The following TMEM132E variants were observed in gnomAD, a reference collection of about 807,000 sequenced individuals.
TMEM132E encodes transmembrane protein 132E.
A neutral mutation model predicts 78.5 loss-of-function variants in TMEM132E; 49 were observed. That is an observed-to-expected ratio of 0.62 (90% CI 0.50 to 0.79). TMEM132E has a LOEUF of 0.79. Ranked by LOEUF, TMEM132E falls within the 30% of genes least tolerant of loss-of-function variation. The probability of loss-of-function intolerance (pLI) is 0.00; values close to 1 mark genes in which losing one functional copy is unlikely to be tolerated. For synonymous variants in TMEM132E, 715 were observed against 670.6 expected (o/e 1.07, Z -1.02); for missense variants, 1,403 against 1,470.9 (o/e 0.95, Z 0.75).
chr17:34,597,014 G>T (rs1042738919), intron 1 of TMEM132E, among the ~76,000 whole-genome samples: 3 of 152,012 alleles, frequency 2.0e-5, no homozygotes, highest in African/African-American at 4.8e-5. Flanking sequence ...AAGCTAGGAA[G>T]GGGGAGCTAT....
intron 2 of TMEM132E, among the ~76,000 whole-genome samples, chr17:34,627,466 T>TCGTGTGTG (rs1301258773): frequency 4.0e-5 from 1 of 24,986 alleles, no homozygotes; most frequent in African/African-American, 1.3e-4. Context: ...GCCAAAAGAA[T>TCGTGTGTG]CGTGTGTGTG....
intron 1 of TMEM132E, among the ~76,000 whole-genome samples, chr17:34,596,853 CAA>C (rs35038070): frequency 0.068 from 4,924 of 72,198 alleles, 275 homozygotes; most frequent in African/African-American, 0.23. Flanking sequence ...CTAAGTAGCT[CAA>C]AAAAAAAAAA....
rs781392643 is a variant in TMEM132E, at chr17:34,632,706, A to G, written c.1485A>G (p.Val495=). Reference sequence around the variant, plus strand: ...CAACTGTTCCTCCCTTCCCCCAGGTATCCAGCAGCTGTGACTACGTGTTTG... The same window carrying G: ...CAACTGTTCCTCCCTTCCCCCAGGTGTCCAGCAGCTGTGACTACGTGTTTG... ...CESDNEDIIK[V]SSSCDYVFVS... Residue 495 remains valine, a splice_region_variant and synonymous_variant, in exon 6 of 9, where the codon GTA becomes GTG. Coordinates refer to ENST00000631683, the MANE Select transcript of TMEM132E (RefSeq NM_001304438.2). 1.2e-6 allele frequency: 2 copies of G among 1,614,112 alleles called. No individual in the cohort carries two copies. Among genetic ancestry groups the G allele is most frequent in the African/African-American group, 1.3e-5 (1 of 75,034 alleles).
At chr17:34,615,944 T>C (rs1906767788) in intron 1 of TMEM132E, among the ~76,000 whole-genome samples, 1 of 152,118 alleles carries the variant, frequency 6.6e-6, no homozygotes, top group Non-Finnish European at 1.5e-5. Flanking sequence ...GGCATTTTGT[T>C]AGCAAAGCAA....
chr17:34,589,185 G>C (rs1456597832), intron 1 of TMEM132E, among the ~76,000 whole-genome samples: 2 of 152,232 alleles, frequency 1.3e-5, no homozygotes, highest in Non-Finnish European at 2.9e-5. Context: ...AGGTAAGAGA[G>C]AAACTAAGTG....
At chr17:34,634,671 A>T (rs1044881729) in intron 6 of TMEM132E, 128 bp from the exon 7 acceptor site, 2 of 1,147,910 alleles carry the variant, frequency 1.7e-6, no homozygotes, top group Non-Finnish European at 2.4e-6. Flanking sequence ...CATGAGCCAT[A>T]GAGGAAGCTT....
At position 34,638,813 on chromosome 17, in the gene TMEM132E, G is replaced by C. The variant is rs1335780343; in HGVS notation, c.*581G>C. The C allele has an allele frequency of 1.3e-5, 2 of 152,334 alleles. No individual in the cohort carries two copies. The highest frequency in any genetic ancestry group is 1.9e-4 in the East Asian group (1 of 5,168). 9.4% of individuals were successfully genotyped at this position (152,334 alleles called of 1,614,324 possible). A position where few individuals can be genotyped will look rare whatever the true frequency, so the allele number is the denominator to read the frequency against. ...TTGTAGCATCTGCTGGCATTCGGGT[G>C]CCTCCCAGGACCTGGGAGCTGACTC... On this transcript the variant is annotated 3_prime_UTR_variant, in exon 9 of 9. Transcript: ENST00000631683.
Position 34,612,123 on chromosome 17 carries a change from A to G in TMEM132E, c.68-14004A>G, listed in dbSNP as rs58234675. Among the ~76,000 whole-genome samples the G allele has an allele frequency of 7.1e-3, 1,074 of 152,208 alleles. 14 individuals carry two copies. The highest frequency in any genetic ancestry group is 0.024 in the African/African-American group (1,009 of 41,514). ...AGAGTTTGCCCTACTCTCAACGCAC[A>G]CACACCTGCTGCCTAGAGACCAGCT... On this transcript the variant is annotated intron_variant, in intron 1 of 8. Transcript: ENST00000631683.
At position 34,637,754 on chromosome 17, in the gene TMEM132E, AC is replaced by A; in HGVS notation, c.2749del (p.Arg917GlyfsTer187). 1 of 1,613,580 alleles carries A rather than the reference AC, an allele frequency of 6.2e-7. No individual in the cohort carries two copies. The highest frequency in any genetic ancestry group is 8.5e-7 in the Non-Finnish European group (1 of 1,179,966). ...AACTGCATCGTTTTTGTGCTGCGCT[AC>A]CGGCACAAGCGCATCCCGCCCGAGG... is the stretch of plus-strand genomic sequence containing the variant. Reference protein sequence around the residue: ...LINCIVFVLRYRHKRIPPEGQ... With the variant: ...LINCIVFVLRXRHKRIPPEGQ... On this transcript the variant is annotated frameshift_variant, in exon 9 of 9. Transcript: ENST00000631683. LOFTEE classifies it high-confidence loss of function.
chr17:34,613,181 A>ACACACACG (rs1225514810), intron 1 of TMEM132E, among the ~76,000 whole-genome samples: 3 of 101,984 alleles, frequency 2.9e-5, no homozygotes, highest in Non-Finnish European at 4.5e-5. Flanking sequence ...CTCTACACAC[A>ACACACACG]CACACACACA....
intron 1 of TMEM132E, among the ~76,000 whole-genome samples, chr17:34,582,140 C>A (rs2142045519): frequency 6.7e-6 from 1 of 149,722 alleles, no homozygotes; most frequent in Middle Eastern, 3.4e-3. Context: ...TCTTAACCAG[C>A]AAGGCGTGGC....
intron 1 of TMEM132E, among the ~76,000 whole-genome samples, chr17:34,605,852 C>T (rs774407427): frequency 9.9e-5 from 15 of 152,260 alleles, no homozygotes; most frequent in East Asian, 3.9e-4. Flanking sequence ...CTACTTGAGA[C>T]GTATTCTTCT....
In TMEM132E at chr17:34,626,582, G is replaced by A. The variant is rs1190791058; in HGVS notation, c.523G>A (p.Glu175Lys). 6.4e-7 allele frequency: 1 copy of A among 1,563,470 alleles called. No individual in the cohort carries two copies. The highest frequency in any genetic ancestry group is 1.2e-5 in the South Asian group (1 of 85,110). ...CCTGCATGCCTTCCGGGATGCCCGG[G>A]AAGTCAAGAGCTCCTGCCGCCTCAG... ...VRLHAFRDAR[E>K]VKSSCRLSGG... is the part of the protein sequence containing the mutation. Residue 175 changes from glutamate (E) to lysine (K), a missense_variant, in exon 2 of 9, where the codon GAA becomes AAA. Physicochemically the swap from Glu to Lys is moderately conservative, Grantham distance 56. Transcript: ENST00000631683.
chr17:34,597,470 A>G (rs190219046), intron 1 of TMEM132E, among the ~76,000 whole-genome samples: 2 of 152,298 alleles, frequency 1.3e-5, no homozygotes, highest in East Asian at 3.9e-4. Context: ...TCATTCATTC[A>G]TTCAATTCTG....
intron 1 of TMEM132E, among the ~76,000 whole-genome samples, chr17:34,619,273 T>C (rs940101451): frequency 6.6e-6 from 1 of 151,650 alleles, no homozygotes; most frequent in Non-Finnish European, 1.5e-5. Flanking sequence ...TCGGGGTACT[T>C]GTCATCATTA....
intron 1 of TMEM132E, among the ~76,000 whole-genome samples, chr17:34,617,294 C>G (rs543450124): frequency 1.3e-5 from 2 of 152,332 alleles, no homozygotes; most frequent in Middle Eastern, 3.4e-3. Flanking sequence ...ATTCTAGGGC[C>G]CCTCAACAGC....
At chr17:34,630,992 A>C (rs2142083786) in intron 5 of TMEM132E, among the ~76,000 whole-genome samples, 1 of 152,324 alleles carries the variant, frequency 6.6e-6, no homozygotes, top group Non-Finnish European at 1.5e-5. Context: ...GCAGATGTCC[A>C]GCCCTGGTAA....
At chr17:34,598,967 A>G (rs1418381152) in intron 1 of TMEM132E, among the ~76,000 whole-genome samples, 1 of 152,236 alleles carries the variant, frequency 6.6e-6, no homozygotes, top group African/African-American at 2.4e-5. Flanking sequence ...TCATTCAGCT[A>G]ACCTTTACTT....
chr17:34,618,369 T>C (rs969923734), intron 1 of TMEM132E, among the ~76,000 whole-genome samples: 1 of 151,804 alleles, frequency 6.6e-6, no homozygotes, highest in East Asian at 1.9e-4. Flanking sequence ...TCCCAAGTAG[T>C]TGGGACCACA....
Sources: allele counts gnomAD v4.1 joint callset (sites outside exome capture counted in the v4.1 genomes callset), GRCh38; gene constraint gnomAD v4.1.1; transcripts MANE v1.5; gene names NCBI Gene and HGNC (gene_info 2026-07-23, HGNC 2026-07-21).